The following BMPR1B variants were observed in gnomAD, a reference collection of about 807,000 sequenced individuals.
BMPR1B encodes the protein bone morphogenetic protein receptor type-1B.
BMPR1B carries 12 observed loss-of-function variants against 59.1 expected under a neutral mutation model. The ratio of observed to expected loss-of-function variants is 0.20; its 90% CI spans 0.13 to 0.33. The LOEUF (loss-of-function observed/expected upper bound fraction) is 0.33. Among genes scored for constraint, BMPR1B ranks in the 10% least tolerant of loss-of-function variants. The probability of loss-of-function intolerance (pLI) is 1.00; values close to 1 mark genes in which losing one functional copy is unlikely to be tolerated. For missense variants in BMPR1B, 550 were observed against 610.9 expected (o/e 0.90, Z 1.05); for synonymous variants, 237 against 207.3 (o/e 1.14, Z -1.23).
intron 3 of BMPR1B, among the ~76,000 whole-genome samples, chr4:95,015,069 C>T (rs895830978): frequency 6.6e-6 from 1 of 152,118 alleles, no homozygotes; most frequent in African/African-American, 2.4e-5. Flanking sequence ...TTCACAAGAA[C>T]ACTGACATGT....
At chr4:95,026,226 T>C (rs1724410615) in intron 3 of BMPR1B, among the ~76,000 whole-genome samples, 1 of 151,728 alleles carries the variant, frequency 6.6e-6, no homozygotes, top group South Asian at 2.1e-4. Flanking sequence ...ATCTGAGTCT[T>C]TTAATTTATA....
chr4:94,903,264 AC>A (rs1727899610), intron 2 of BMPR1B, among the ~76,000 whole-genome samples: 1 of 151,624 alleles, frequency 6.6e-6, no homozygotes. Context: ...TTAACCCCTT[AC>A]CCCCTTTTTT....
chr4:94,875,044 C>G (rs966371199), intron 1 of BMPR1B, among the ~76,000 whole-genome samples: 1 of 152,002 alleles, frequency 6.6e-6, no homozygotes, highest in Non-Finnish European at 1.5e-5. Context: ...TATCAAAATC[C>G]TTGCACTAAG....
At chr4:95,066,988 G>C (rs575368555) in intron 3 of BMPR1B, among the ~76,000 whole-genome samples, 3 of 152,260 alleles carry the variant, frequency 2.0e-5, no homozygotes, top group South Asian at 2.1e-4. Flanking sequence ...TCTAGTAGAG[G>C]AATTTTAGTT....
intron 1 of BMPR1B, among the ~76,000 whole-genome samples, chr4:94,835,117 C>A (rs1376342472): frequency 2.0e-5 from 3 of 151,714 alleles, no homozygotes; most frequent in Non-Finnish European, 2.9e-5. Context: ...GTGTAAAGAT[C>A]TTTCTATAAG....
At chr4:95,046,475 T>C (rs1162031168) in intron 3 of BMPR1B, among the ~76,000 whole-genome samples, 2 of 152,212 alleles carry the variant, frequency 1.3e-5, no homozygotes, top group African/African-American at 4.8e-5. Flanking sequence ...ATTTATTTAG[T>C]GCATATAACA....
At chr4:94,797,906 T>G (rs963086432) in intron 1 of BMPR1B, among the ~76,000 whole-genome samples, 4 of 152,210 alleles carry the variant, frequency 2.6e-5, no homozygotes, top group African/African-American at 9.6e-5. Flanking sequence ...TCAGACTATT[T>G]GATGAGGACT....
chr4:94,792,581 G>A (rs1191656961), intron 1 of BMPR1B, among the ~76,000 whole-genome samples: 1 of 152,062 alleles, frequency 6.6e-6, no homozygotes, highest in African/African-American at 2.4e-5. Context: ...GCTTTAATCC[G>A]AAGTCAAGAG....
chr4:95,078,041 C>T (rs540510855), intron 3 of BMPR1B, among the ~76,000 whole-genome samples: 2 of 152,154 alleles, frequency 1.3e-5, no homozygotes, highest in Non-Finnish European at 2.9e-5. Flanking sequence ...ATAGTGTGTA[C>T]TGTTCTCCAC....
chr4:94,881,916 A>G (rs1053466131), intron 2 of BMPR1B, among the ~76,000 whole-genome samples: 1 of 152,188 alleles, frequency 6.6e-6, no homozygotes, highest in Non-Finnish European at 1.5e-5. Flanking sequence ...AAGTGAAAGG[A>G]AAGACTTAGG....
At chr4:95,121,386 A>G (rs1732516317) in intron 6 of BMPR1B, among the ~76,000 whole-genome samples, 1 of 152,190 alleles carries the variant, frequency 6.6e-6, no homozygotes, top group Non-Finnish European at 1.5e-5. Flanking sequence ...TGCAGTGTGA[A>G]ATAAGCGCAT....
chr4:94,854,226 C>T (rs138757248), intron 1 of BMPR1B, among the ~76,000 whole-genome samples: 2 of 151,954 alleles, frequency 1.3e-5, no homozygotes, highest in East Asian at 3.9e-4. Context: ...TGTAATTGTA[C>T]CCTAATATAA....
At chr4:94,899,868 G>A (rs564327957) in intron 2 of BMPR1B, among the ~76,000 whole-genome samples, 2 of 152,016 alleles carry the variant, frequency 1.3e-5, no homozygotes, top group African/African-American at 2.4e-5. Context: ...TGTCAACTAA[G>A]TTTCCCTGTT....
intron 1 of BMPR1B, among the ~76,000 whole-genome samples, chr4:94,759,347 C>T (rs892420204): frequency 6.6e-6 from 1 of 152,280 alleles, no homozygotes; most frequent in Admixed American, 6.5e-5. Flanking sequence ...GCAGAGCCAC[C>T]TGAGAAAAGG....
In BMPR1B at chr4:95,070,764, A is replaced by G. The variant is rs574809751; in HGVS notation, c.-17-33644A>G. On this transcript the variant is annotated intron_variant, in intron 3 of 12. Coordinates refer to ENST00000515059, the MANE Select transcript of BMPR1B (RefSeq NM_001203.3). The stretch of plus-strand genomic sequence containing the variant: ...CCACTATTTCTTTTCTAGATTATTT[A>G]AAAAATAGAAAAAGAAAACTTTAAG... Among the ~76,000 whole-genome samples the G allele has an allele frequency of 4.6e-5, 7 of 152,294 alleles. No individual in the cohort carries two copies. In the South Asian group the frequency reaches 1.5e-3, roughly 32 times the overall value.
intron 6 of BMPR1B, among the ~76,000 whole-genome samples, chr4:95,118,971 A>G (rs941098406): frequency 2.0e-5 from 3 of 152,200 alleles, no homozygotes; most frequent in African/African-American, 7.2e-5. Context: ...CATTGCTCTC[A>G]TAAATCAGAA....
intron 3 of BMPR1B, among the ~76,000 whole-genome samples, chr4:95,017,580 G>A (rs1723667610): frequency 6.6e-6 from 1 of 152,156 alleles, no homozygotes; most frequent in Admixed American, 6.5e-5. Context: ...TAATGTTTGA[G>A]GTGTTTCCTA....
intron 1 of BMPR1B, among the ~76,000 whole-genome samples, chr4:94,867,613 G>A (rs73836153): frequency 0.031 from 4,738 of 151,994 alleles, 156 homozygotes; most frequent in African/African-American, 0.078. Context: ...TCTCTGTTTT[G>A]TGAGCTTTCT....
intron 3 of BMPR1B, among the ~76,000 whole-genome samples, chr4:95,020,942 C>G (rs1723940994): frequency 6.6e-6 from 1 of 152,128 alleles, no homozygotes; most frequent in Non-Finnish European, 1.5e-5. Context: ...TCTCAAACTC[C>G]TGGCCTCAAG....
Sources: gnomAD v4.1 joint callset for allele counts (sites outside exome capture counted in the v4.1 genomes callset) on GRCh38, gnomAD v4.1.1 for gene constraint, MANE v1.5 for transcripts, NCBI Gene and HGNC (gene_info 2026-07-23, HGNC 2026-07-21) for gene names.